TIMELESS: variants seen among roughly 807,000 people sequenced by gnomAD.
TIMELESS encodes timeless circadian regulator.
In TIMELESS, 124 loss-of-function variants were observed where a neutral mutation model predicts 164.3. The observed-to-expected ratio is 0.75, with a 90% confidence interval of 0.65 to 0.88. The LOEUF is 0.88. TIMELESS is among the 40% of genes least tolerant of loss of function. TIMELESS has a pLI of 0.00. For missense variants in TIMELESS, 1,422 were observed against 1,491.4 expected (o/e 0.95, Z 0.77); for synonymous variants, 564 against 563.4 (o/e 1.00, Z -0.02).
chr12:56,417,691 C>A lies in TIMELESS; in HGVS notation c.*25G>T, dbSNP rs1225009155. The A allele has an allele frequency of 2.5e-6, 4 of 1,613,656 alleles. No individual in the cohort carries two copies. In the East Asian group the frequency reaches 8.9e-5, roughly 36 times the overall value. On this transcript the variant is annotated 3_prime_UTR_variant, in exon 29 of 29. Coordinates refer to ENST00000553532, the MANE Select transcript of TIMELESS (RefSeq NM_003920.5). ...ATGCACCATCTAAAAACGTGTCTATCTCTACCCCTAGGCTTCTTAGCTCTT... is the reference window on the plus strand; with the variant it reads ...ATGCACCATCTAAAAACGTGTCTATATCTACCCCTAGGCTTCTTAGCTCTT...
intron 13 of TIMELESS, among the ~76,000 whole-genome samples, chr12:56,425,919 G>A (rs184884559): frequency 6.6e-6 from 1 of 152,056 alleles, no homozygotes. Context: ...AGAAAAGCAG[G>A]AGAGTGAGTC....
In TIMELESS at chr12:56,432,414, C is replaced by G; in HGVS notation, c.642G>C (p.Trp214Cys). ...FLASSSAEEQ[W>C]SLHVLEIVSL... ...AGACAATCTCTAGCACATGTAGGCT[C>G]CATTGCTCCTCAGCAGACGAGCTGG... The change falls in exon 7 of 29, where the codon TGG becomes TGC. Residue 214 changes from tryptophan (W) to cysteine (C), a missense_variant. Transcript: ENST00000553532. 1.9e-6 allele frequency: 3 copies of G among 1,614,198 alleles called. No individual in the cohort carries two copies. The highest frequency in any genetic ancestry group is 2.5e-6 in the Non-Finnish European group (3 of 1,180,038).
rs1209017359 is a variant in TIMELESS, at chr12:56,418,136, T to A, written c.3452A>T (p.Glu1151Val). The A allele has an allele frequency of 9.9e-6, 16 of 1,614,036 alleles. No homozygotes were observed. The Admixed American group carries it at 2.2e-4, about 22-fold the overall frequency. ...HKKKAGLASPEEEDAVGKEPL... is the reference protein window; with the variant it reads ...HKKKAGLASPVEEDAVGKEPL... The stretch of plus-strand genomic sequence containing the variant: ...GAAGATGGCTGTCGCACTATTACCC[T>A]CTGGGGATGCCAGGCCCGCTTTCTT... The change falls in exon 27 of 29, where the codon GAG (glutamate) becomes GTG (valine). Residue 1151 changes from glutamate (E) to valine (V), a missense_variant and splice_region_variant. Physicochemically the swap from Glu to Val is moderately radical, Grantham distance 121 (BLOSUM62 -2). Coordinates refer to ENST00000553532, the MANE Select transcript of TIMELESS (RefSeq NM_003920.5).
At position 56,420,703 on chromosome 12, in the gene TIMELESS, T is replaced by C. The variant is rs771183743; in HGVS notation, c.3110-16A>G. 1.9e-5 allele frequency: 31 copies of C among 1,613,832 alleles called. No homozygotes were observed. In the South Asian group the frequency reaches 2.7e-4, roughly 14 times the overall value. On this transcript the variant is annotated splice_polypyrimidine_tract_variant and intron_variant, in intron 25 of 28. Transcript: ENST00000553532. Reference sequence around the variant, plus strand: ...TGGGAGCAGCCTAAGACAGGGTCAATAGTCATATGGTGAAGATATAAGGGA... The same window carrying C: ...TGGGAGCAGCCTAAGACAGGGTCAACAGTCATATGGTGAAGATATAAGGGA...
intron 1 of TIMELESS, among the ~76,000 whole-genome samples, chr12:56,438,797 A>G (rs1882156193): frequency 6.7e-6 from 1 of 149,994 alleles, no homozygotes; most frequent in Non-Finnish European, 1.5e-5. Context: ...AAAAAAAAAA[A>G]AAAAAAAAGG....
intron 9 of TIMELESS, among the ~76,000 whole-genome samples, 167 bp from the exon 10 acceptor site, chr12:56,430,448 C>T (rs2136142177): frequency 6.6e-6 from 1 of 152,158 alleles, no homozygotes; most frequent in South Asian, 2.1e-4. Context: ...ACACTGGAGC[C>T]TTGAACTCCT....
chr12:56,423,792 C>T lies in TIMELESS; in HGVS notation c.1966+5G>A. On this transcript the variant is annotated splice_donor_5th_base_variant and intron_variant, in intron 16 of 28. Transcript: ENST00000553532. The stretch of plus-strand genomic sequence containing the variant: ...AGGAGACAGATGTGAAGGGTGGAGA[C>T]TCACGGGGAAGTGGAGCAGAGAGGA... 1 of 1,614,142 alleles carries T rather than the reference C, an allele frequency of 6.2e-7. No individual in the cohort carries two copies.
At chr12:56,432,906 G>C in intron 6 of TIMELESS, 120 bp downstream of exon 6, 1 of 687,556 alleles carries the variant, frequency 1.5e-6, no homozygotes, top group Non-Finnish European at 2.3e-6. Flanking sequence ...AGTGAGCTGA[G>C]ATCGCACCAC....
intron 1 of TIMELESS, among the ~76,000 whole-genome samples, chr12:56,442,625 C>T (rs1320650085): frequency 6.6e-6 from 1 of 151,904 alleles, no homozygotes; most frequent in African/African-American, 2.4e-5. Flanking sequence ...AAAGACCATA[C>T]ATAACCTCAG....
chr12:56,432,285 A>G, intron 7 of TIMELESS, 84 bp downstream of exon 7: 1 of 1,477,060 alleles, frequency 6.8e-7, no homozygotes, highest in Non-Finnish European at 9.2e-7. Context: ...CAGATAATGC[A>G]GCCATTATCA....
intron 1 of TIMELESS, among the ~76,000 whole-genome samples, chr12:56,435,791 C>T (rs893189612): frequency 3.3e-5 from 5 of 152,088 alleles, no homozygotes; most frequent in Admixed American, 1.3e-4. Flanking sequence ...AACCCCCTCT[C>T]TACCAAAAAT....
Position 56,417,952 on chromosome 12 carries a change from G to C in TIMELESS, c.3511C>G (p.Leu1171Val), listed in dbSNP as rs145086613. 166 of 1,614,100 alleles carry C rather than the reference G, an allele frequency of 1.0e-4. No homozygotes were observed. The highest frequency in any genetic ancestry group is 1.3e-4 in the Non-Finnish European group (155 of 1,180,058). Residue 1171 changes from leucine (L) to valine (V), a missense_variant, in exon 28 of 29, where the codon CTG becomes GTG. Physicochemically the swap from Leu to Val is conservative, Grantham distance 32. Coordinates refer to ENST00000553532, the MANE Select transcript of TIMELESS (RefSeq NM_003920.5). ...LKAAPKKRQL[L>V]DSDEEQEEDE... Reference sequence around the variant, plus strand: ...TCTTCCTGTTCCTCGTCGCTGTCCAGCAATTGTCGTTTCTTGGGTGCTGCC... The same window carrying C: ...TCTTCCTGTTCCTCGTCGCTGTCCACCAATTGTCGTTTCTTGGGTGCTGCC...
intron 19 of TIMELESS, 77 bp from the exon 20 acceptor site, chr12:56,422,268 T>C: frequency 1.5e-6 from 2 of 1,346,548 alleles, no homozygotes; most frequent in East Asian, 4.6e-5. Flanking sequence ...CTCTGATCAG[T>C]TCTGAAAAGA....
chr12:56,418,397 C>T, intron 26 of TIMELESS, 38 bp from the exon 27 acceptor site: 1 of 1,465,732 alleles, frequency 6.8e-7, no homozygotes, highest in Non-Finnish European at 9.4e-7. Flanking sequence ...AAAGGACCAG[C>T]TTTTTGTTTC....
At position 56,431,356 on chromosome 12, in the gene TIMELESS, A is replaced by G. The variant is rs1881873079; in HGVS notation, c.821+115T>C. On this transcript the variant is annotated intron_variant, in intron 8 of 28. Transcript: ENST00000553532. ...GCGACAAGAGCAAAATTCTGTCTCAAAAAAAAAAAAAAAAAACACTAAAAT... is the reference window on the plus strand; with the variant it reads ...GCGACAAGAGCAAAATTCTGTCTCAGAAAAAAAAAAAAAAAACACTAAAAT... 1.6e-5 allele frequency: 11 copies of G among 669,006 alleles called. No individual in the cohort carries two copies. The South Asian group carries it at 3.7e-4, about 23-fold the overall frequency. 41.4% of individuals were successfully genotyped at this position (669,006 alleles called of 1,614,324 possible).
intron 22 of TIMELESS, 66 bp from the exon 23 acceptor site, chr12:56,421,559 G>C (rs1881491052): frequency 6.4e-7 from 1 of 1,568,688 alleles, no homozygotes; most frequent in Non-Finnish European, 8.7e-7. Context: ...ATAAATCAGA[G>C]GTCTCTGGAA....
chr12:56,423,091 C>T (rs1881550938), intron 18 of TIMELESS, 99 bp from the exon 19 acceptor site: 1 of 1,463,036 alleles, frequency 6.8e-7, no homozygotes, highest in Non-Finnish European at 9.2e-7. Flanking sequence ...CAGCTGCCCC[C>T]TCCTCACTCA....
intron 26 of TIMELESS, among the ~76,000 whole-genome samples, chr12:56,420,024 AAAAAAATAT>A (rs1455606621): frequency 3.2e-5 from 3 of 92,968 alleles, no homozygotes; most frequent in Admixed American, 1.2e-4. Context: ...AAAAAAAAAA[AAAAAAATAT>A]ATATATATAT....
chr12:56,447,921 T>C (rs1592260910), intron 1 of TIMELESS, among the ~76,000 whole-genome samples: 1 of 152,022 alleles, frequency 6.6e-6, no homozygotes, highest in Non-Finnish European at 1.5e-5. Context: ...TACTGAGATA[T>C]GAAAGAGGGC....
Sources: allele counts gnomAD v4.1 joint callset (sites outside exome capture counted in the v4.1 genomes callset), GRCh38; gene constraint gnomAD v4.1.1; transcripts MANE v1.5; gene names NCBI Gene and HGNC (gene_info 2026-07-23, HGNC 2026-07-21).